MARCHF1: variants seen among roughly 807,000 people sequenced by gnomAD.
The protein encoded by MARCHF1 is membrane associated ring-CH-type finger 1.
MARCHF1 carries 40 observed loss-of-function variants against 54.2 expected under a neutral mutation model. The observed-to-expected ratio is 0.74, with a 90% CI of 0.57 to 0.96. The LOEUF (loss-of-function observed/expected upper bound fraction) is 0.96. MARCHF1 is among the 40% of genes least tolerant of loss of function. The pLI, the probability that MARCHF1 is intolerant of heterozygous loss-of-function variation, is 0.00. For synonymous variants in MARCHF1, 236 were observed against 236.3 expected, an observed-to-expected ratio of 1.00 and a Z score of 0.01; for missense variants, 586 against 656.5, an observed-to-expected ratio of 0.89 and a Z score of 1.17.
intron 2 of MARCHF1, among the ~76,000 whole-genome samples, chr4:164,045,607 GTTT>G (rs1754226014): frequency 6.7e-6 from 1 of 149,836 alleles, no homozygotes; most frequent in East Asian, 2.0e-4. Context: ...TTTAGCTTAG[GTTT>G]TTGTTTGTTT....
At chr4:163,671,254 T>C (rs1197944512) in intron 5 of MARCHF1, among the ~76,000 whole-genome samples, 3 of 152,240 alleles carry the variant, frequency 2.0e-5, no homozygotes, top group African/African-American at 7.2e-5. Context: ...TCTCTGTAAA[T>C]CTGCCTTTTA....
intron 4 of MARCHF1, among the ~76,000 whole-genome samples, chr4:163,768,715 C>A (rs76256786): frequency 6.6e-6 from 1 of 152,176 alleles, no homozygotes; most frequent in Non-Finnish European, 1.5e-5. Context: ...TTGAGTGTAA[C>A]CTTTTGCACT....
chr4:163,793,071 A>G (rs971001909), intron 4 of MARCHF1, among the ~76,000 whole-genome samples: 1 of 152,240 alleles, frequency 6.6e-6, no homozygotes, highest in Non-Finnish European at 1.5e-5. Context: ...CAGACGTTAA[A>G]TAACTTTCAG....
At chr4:163,785,701 T>G (rs1416395295) in intron 4 of MARCHF1, among the ~76,000 whole-genome samples, 1 of 151,908 alleles carries the variant, frequency 6.6e-6, no homozygotes, top group East Asian at 1.9e-4. Context: ...TGTCAAATGA[T>G]TAAAAGTCAC....
chr4:163,607,741 T>C (rs933163008), intron 7 of MARCHF1, among the ~76,000 whole-genome samples: 4 of 152,124 alleles, frequency 2.6e-5, no homozygotes, highest in African/African-American at 9.7e-5. Flanking sequence ...GAACGATTTG[T>C]AGCATAGAAT....
chr4:164,363,428 G>T (rs1730783874), intron 1 of MARCHF1, among the ~76,000 whole-genome samples: 1 of 152,102 alleles, frequency 6.6e-6, no homozygotes, highest in Admixed American at 6.6e-5. Flanking sequence ...TCTTATCTTT[G>T]TGAGAGAATT....
chr4:164,062,798 A>G (rs963447103), intron 2 of MARCHF1, among the ~76,000 whole-genome samples: 2 of 152,222 alleles, frequency 1.3e-5, no homozygotes, highest in African/African-American at 4.8e-5. Flanking sequence ...TGTTGGGATT[A>G]CAGGCATGAG....
chr4:164,176,760 T>C (rs959225524), intron 1 of MARCHF1, among the ~76,000 whole-genome samples: 2 of 151,652 alleles, frequency 1.3e-5, no homozygotes, highest in Non-Finnish European at 2.9e-5. Flanking sequence ...GGGCTTTAAT[T>C]TTATAGTCCT....
chr4:163,804,102 T>A (rs889923190), intron 4 of MARCHF1, among the ~76,000 whole-genome samples: 1 of 152,214 alleles, frequency 6.6e-6, no homozygotes, highest in Non-Finnish European at 1.5e-5. Flanking sequence ...AGTGAAATGA[T>A]CTGTTAAAGA....
intron 3 of MARCHF1, among the ~76,000 whole-genome samples, chr4:163,984,895 G>T (rs531581933): frequency 2.6e-5 from 4 of 152,082 alleles, no homozygotes; most frequent in African/African-American, 9.7e-5. Flanking sequence ...AACCAGAAAA[G>T]AAAAAGAAAT....
At chr4:164,345,524 G>A (rs920373332) in intron 1 of MARCHF1, among the ~76,000 whole-genome samples, 1 of 151,180 alleles carries the variant, frequency 6.6e-6, no homozygotes, top group Admixed American at 6.6e-5. Flanking sequence ...GAGCCAAGAT[G>A]GTGCCACTGC....
At chr4:164,013,100 AG>A (rs1258689350) in intron 2 of MARCHF1, among the ~76,000 whole-genome samples, 2 of 152,172 alleles carry the variant, frequency 1.3e-5, no homozygotes, top group Non-Finnish European at 2.9e-5. Context: ...TCTTTCAGAC[AG>A]GGGATTCAAA....
At chr4:163,561,455 G>A (rs1739464551) in intron 8 of MARCHF1, among the ~76,000 whole-genome samples, 1 of 152,052 alleles carries the variant, frequency 6.6e-6, no homozygotes, top group Admixed American at 6.5e-5. Context: ...GGGAGAGGTT[G>A]GATACATAGT....
At chr4:163,727,422 C>G (rs2111313685) in intron 4 of MARCHF1, among the ~76,000 whole-genome samples, 1 of 152,026 alleles carries the variant, frequency 6.6e-6, no homozygotes, top group South Asian at 2.1e-4. Flanking sequence ...ATTCTCCTGC[C>G]TCAGCCTCCC....
intron 1 of MARCHF1, among the ~76,000 whole-genome samples, chr4:164,320,229 T>C (rs1470194883): frequency 1.3e-5 from 2 of 152,198 alleles, no homozygotes; most frequent in East Asian, 3.8e-4. Context: ...GTTTGCCCAG[T>C]AATCATGAAA....
chr4:163,566,831 A>C (rs1018589364), intron 8 of MARCHF1, among the ~76,000 whole-genome samples: 5 of 152,226 alleles, frequency 3.3e-5, no homozygotes, highest in Non-Finnish European at 7.3e-5. Flanking sequence ...CTAAAGAAAG[A>C]ATCATGGACA....
At chr4:163,904,704 G>A (rs1751017861) in intron 3 of MARCHF1, among the ~76,000 whole-genome samples, 1 of 151,976 alleles carries the variant, frequency 6.6e-6, no homozygotes, top group Non-Finnish European at 1.5e-5. Context: ...CCACTCTCTA[G>A]GTTTTTTACT....
intron 1 of MARCHF1, among the ~76,000 whole-genome samples, chr4:164,249,072 T>G (rs1020164238): frequency 2.0e-5 from 3 of 152,142 alleles, no homozygotes; most frequent in African/African-American, 7.2e-5. Flanking sequence ...ATCTATTTAT[T>G]TATTCAACAA....
chr4:163,732,917 C>T (rs144495291), intron 4 of MARCHF1, among the ~76,000 whole-genome samples: 5,758 of 151,628 alleles, frequency 0.038, 156 homozygotes, highest in South Asian at 0.074. Context: ...TTTGGGATGC[C>T]GAGGTGGGTG....
Sources: allele counts gnomAD v4.1 joint callset (sites outside exome capture counted in the v4.1 genomes callset), GRCh38; gene constraint gnomAD v4.1.1; transcripts MANE v1.5; gene names NCBI Gene and HGNC (gene_info 2026-07-23, HGNC 2026-07-21).